MROH9: variants seen among roughly 807,000 people sequenced by gnomAD.
MROH9 encodes the protein maestro heat like repeat family member 9, also known as maestro heat-like repeat-containing protein family member 9.
Under a neutral mutation model 98.2 loss-of-function variants are expected in MROH9, and 92 were observed. The ratio of observed to expected loss-of-function variants is 0.94; its 90% CI spans 0.79 to 1.11. MROH9 has a LOEUF of 1.11. Among genes scored for constraint, MROH9 ranks in the 50% most tolerant of loss-of-function variants. MROH9 has a pLI of 0.00. For synonymous variants in MROH9, 397 were observed against 368.9 expected (o/e 1.08, Z -0.87); for missense variants, 1,057 against 1,014.8 (o/e 1.04, Z -0.57).
At chr1:171,005,968 C>T (rs1651940745) in intron 15 of MROH9, among the ~76,000 whole-genome samples, 1 of 151,932 alleles carries the variant, frequency 6.6e-6, no homozygotes, top group Non-Finnish European at 1.5e-5. Flanking sequence ...ATTTACACAC[C>T]ATCCCATATT....
chr1:171,019,546 G>A (rs1472880935), intron 17 of MROH9, among the ~76,000 whole-genome samples: 1 of 151,974 alleles, frequency 6.6e-6, no homozygotes, highest in Non-Finnish European at 1.5e-5. Context: ...CAGCTACTCG[G>A]AAGGCTGAGG....
chr1:171,024,519 T>C lies in MROH9; in HGVS notation c.2033T>C (p.Leu678Ser). ...LEGLVPLILF[L>S]EDDDKRVAEA... Reference sequence around the variant, plus strand: ...GGCTTGGTGCCCCTAATCCTATTTTTGGAGGATGATGATAAAAGAGTAGCT... The same window carrying C: ...GGCTTGGTGCCCCTAATCCTATTTTCGGAGGATGATGATAAAAGAGTAGCT... The change falls in exon 18 of 22, where the codon TTG becomes TCG. Residue 678 changes from leucine (L) to serine (S), a missense_variant. Transcript: ENST00000367759. 1 of 1,536,944 alleles carries C rather than the reference T, an allele frequency of 6.5e-7. No individual in the cohort carries two copies. Among genetic ancestry groups the C allele is most frequent in the Non-Finnish European group, 8.8e-7 (1 of 1,141,646 alleles).
intron 20 of MROH9, among the ~76,000 whole-genome samples, chr1:171,060,767 A>G (rs1233279088): frequency 1.3e-5 from 2 of 152,224 alleles, no homozygotes; most frequent in African/African-American, 4.8e-5. Context: ...AAGGTAAAAT[A>G]GTAAAGCTTC....
intron 8 of MROH9, 107 bp from the exon 9 acceptor site, chr1:170,983,315 C>A: frequency 1.4e-6 from 1 of 708,790 alleles, no homozygotes; most frequent in Non-Finnish European, 2.3e-6. Flanking sequence ...ATTCGGAAAA[C>A]TTCAGATCTC....
At chr1:170,996,031 T>C (rs932672215) in intron 13 of MROH9, among the ~76,000 whole-genome samples, 9 of 152,160 alleles carry the variant, frequency 5.9e-5, no homozygotes, top group African/African-American at 1.4e-4. Flanking sequence ...ACATAGAAGT[T>C]TGGCAATTCC....
intron 10 of MROH9, among the ~76,000 whole-genome samples, chr1:170,988,908 C>CTTTTTGCT (rs1651249148): frequency 6.6e-6 from 1 of 152,128 alleles, no homozygotes; most frequent in Non-Finnish European, 1.5e-5. Context: ...AAGAGGACAA[C>CTTTTTGCT]TAGAAGAAGC....
At position 171,016,232 on chromosome 1, in the gene MROH9, C is replaced by T. The variant is rs959559162; in HGVS notation, c.1804C>T (p.Leu602Phe). Residue 602 changes from leucine to phenylalanine, a missense_variant, in exon 17 of 22, where the codon CTT (leucine) becomes TTT (phenylalanine). Transcript: ENST00000367759. ...CCTTTCCAAAGACGATAATGTTGTA[C>T]TTCAGGCCTTGCTCACCCTTAGAAG... Reference protein sequence around the residue: ...AFLSKDDNVVLQALLTLRRLL... With the variant: ...AFLSKDDNVVFQALLTLRRLL... 3 of 1,541,564 alleles carry T rather than the reference C, an allele frequency of 1.9e-6. No individual in the cohort carries two copies. In the African/African-American group the frequency reaches 4.1e-5, roughly 21 times the overall value.
chr1:170,962,151 G>A (rs1557875293), intron 6 of MROH9, among the ~76,000 whole-genome samples, 175 bp downstream of exon 6: 1 of 152,084 alleles, frequency 6.6e-6, no homozygotes, highest in Non-Finnish European at 1.5e-5. Flanking sequence ...AATTACAGGG[G>A]CACACTTTTA....
chr1:171,012,695 G>A (rs535037618), intron 15 of MROH9, among the ~76,000 whole-genome samples: 67 of 151,934 alleles, frequency 4.4e-4, no homozygotes, highest in African/African-American at 1.4e-3. Flanking sequence ...AGTAGAGACG[G>A]GGTTTCACCA....
intron 8 of MROH9, among the ~76,000 whole-genome samples, chr1:170,980,442 A>G (rs1390127441): frequency 6.6e-6 from 1 of 152,186 alleles, no homozygotes; most frequent in Non-Finnish European, 1.5e-5. Flanking sequence ...ATGCAACATA[A>G]CAGAGACATC....
chr1:170,958,510 A>C lies in MROH9; in HGVS notation c.122A>C (p.Asn41Thr). The change falls in exon 4 of 22, where the codon AAT becomes ACT. Residue 41 changes from asparagine to threonine, a missense_variant. By Grantham distance (65) the Asn-to-Thr change is moderately conservative. Coordinates refer to ENST00000367759, the MANE Select transcript of MROH9 (RefSeq NM_001163629.2). The part of the protein sequence containing the change: ...LLDAYSGLLS[N>T]ESMILAVNSS... ...GATGCATACTCAGGCCTGTTAAGTA[A>C]TGAATCCATGATCCTGGCTGTGAAC... is the stretch of plus-strand genomic sequence containing the variant. 2 of 1,596,486 alleles carry C rather than the reference A, an allele frequency of 1.3e-6. No homozygotes were observed. Among genetic ancestry groups the C allele is most frequent in the Non-Finnish European group, 1.7e-6 (2 of 1,167,180 alleles).
intron 17 of MROH9, among the ~76,000 whole-genome samples, chr1:171,020,222 C>A (rs1652473483): frequency 6.6e-6 from 1 of 152,168 alleles, no homozygotes; most frequent in African/African-American, 2.4e-5. Flanking sequence ...TGAAACTATT[C>A]CAAACAATTG....
chr1:170,963,985 C>T (rs76904923), intron 6 of MROH9, among the ~76,000 whole-genome samples: 8,917 of 152,118 alleles, frequency 0.059, 359 homozygotes, highest in Middle Eastern at 0.13. Flanking sequence ...AACCCTTCAC[C>T]GTGATTATGA....
At position 170,959,589 on chromosome 1, in the gene MROH9, G is replaced by A. The variant is rs200545185; in HGVS notation, c.280G>A (p.Asp94Asn). The change falls in exon 5 of 22, where the codon GAC becomes AAC. Residue 94 changes from aspartate to asparagine, a missense_variant. By Grantham distance (23) the Asp-to-Asn change is conservative. Transcript: ENST00000367759. ...GGGGAGCAGTTATGAGTACATTGAG[G>A]ACATGGAGGTAAAATTTTTCTTCCT... ...EMGSSYEYIE[D>N]MENLYHNILN... 3.7e-6 allele frequency: 6 copies of A among 1,611,248 alleles called. No individual in the cohort carries two copies. The highest frequency in any genetic ancestry group is 3.4e-6 in the Non-Finnish European group (4 of 1,179,184).
chr1:171,016,423 A>G, intron 17 of MROH9, 87 bp downstream of exon 17: 1 of 1,037,324 alleles, frequency 9.6e-7, no homozygotes, highest in South Asian at 3.1e-5. Context: ...AGGTCACAGA[A>G]TAAGCCAATA....
intron 17 of MROH9, among the ~76,000 whole-genome samples, chr1:171,023,697 G>C (rs1227977130): frequency 2.6e-5 from 4 of 152,058 alleles, no homozygotes; most frequent in Non-Finnish European, 4.4e-5. Flanking sequence ...ATTGTCAAAT[G>C]ATTAAATCAA....
intron 1 of MROH9, among the ~76,000 whole-genome samples, chr1:170,944,226 T>G (rs1475707023): frequency 1.3e-5 from 2 of 151,944 alleles, no homozygotes; most frequent in Non-Finnish European, 2.9e-5. Context: ...ACAGGTTCTG[T>G]CTAAAGTTTT....
intron 15 of MROH9, among the ~76,000 whole-genome samples, chr1:171,011,534 T>A (rs1390170663): frequency 6.6e-6 from 1 of 152,218 alleles, no homozygotes; most frequent in East Asian, 1.9e-4. Context: ...ATAATTTATT[T>A]CACTCAGAAT....
intron 6 of MROH9, among the ~76,000 whole-genome samples, chr1:170,964,382 A>C (rs919359286): frequency 6.6e-6 from 1 of 151,858 alleles, no homozygotes; most frequent in African/African-American, 2.4e-5. Flanking sequence ...AGATTTAGAA[A>C]CTCTTTCACC....
Sources: allele counts gnomAD v4.1 joint callset (sites outside exome capture counted in the v4.1 genomes callset), GRCh38; gene constraint gnomAD v4.1.1; transcripts MANE v1.5; gene names NCBI Gene and HGNC (gene_info 2026-07-23, HGNC 2026-07-21).